MMP26: variants seen among roughly 807,000 people sequenced by gnomAD.
MMP26 encodes the protein matrix metallopeptidase 26, also known as matrix metalloproteinase-26.
Under a neutral mutation model 31.0 loss-of-function variants are expected in MMP26, and 33 were observed. The ratio of observed to expected loss-of-function variants is 1.06; its 90% CI spans 0.81 to 1.42. MMP26 has a LOEUF of 1.42. Ranked by LOEUF, MMP26 falls within the 40% of genes most tolerant of loss-of-function variation. MMP26 has a pLI of 0.00. For synonymous variants in MMP26, 122 were observed against 114.9 expected (o/e 1.06, Z -0.40); for missense variants, 347 against 316.1 (o/e 1.10, Z -0.74).
At chr11:4,929,384 A>G (rs887329390) in intron 2 of MMP26, among the ~76,000 whole-genome samples, 4 of 152,132 alleles carry the variant, frequency 2.6e-5, no homozygotes, top group African/African-American at 9.6e-5. Flanking sequence ...CTTGTACAAA[A>G]TGTTTGTCAG....
At chr11:4,936,929 C>G (rs1264131570) in intron 2 of MMP26, among the ~76,000 whole-genome samples, 1 of 152,116 alleles carries the variant, frequency 6.6e-6, no homozygotes, top group East Asian at 1.9e-4. Context: ...GCAAGGTGAC[C>G]TCGAATTAGA....
At chr11:4,979,347 A>G (rs1846782119) in intron 2 of MMP26, among the ~76,000 whole-genome samples, 1 of 152,178 alleles carries the variant, frequency 6.6e-6, no homozygotes, top group Non-Finnish European at 1.5e-5. Flanking sequence ...TATACACATT[A>G]TACTGATTTC....
At chr11:4,947,516 T>C (rs112856228) in intron 2 of MMP26, 1 of 139,844 alleles carries the variant, frequency 7.2e-6, no homozygotes, top group Admixed American at 7.9e-5. Context: ...AAATGAAAGC[T>C]AAATAAATGA....
At chr11:4,899,173 C>A (rs1850765313) in intron 2 of MMP26, among the ~76,000 whole-genome samples, 2 of 152,154 alleles carry the variant, frequency 1.3e-5, no homozygotes, top group South Asian at 4.1e-4. Flanking sequence ...GCCCCAAATT[C>A]AGGAATCTGG....
At chr11:4,802,933 G>C (rs1167985849) in intron 2 of MMP26, among the ~76,000 whole-genome samples, 1 of 151,986 alleles carries the variant, frequency 6.6e-6, no homozygotes, top group Non-Finnish European at 1.5e-5. Flanking sequence ...GACAATATTT[G>C]AATCATTTTA....
At chr11:4,838,596 T>G (rs1311946943) in intron 2 of MMP26, among the ~76,000 whole-genome samples, 1 of 149,514 alleles carries the variant, frequency 6.7e-6, no homozygotes, top group Non-Finnish European at 1.5e-5. Context: ...TAAATTACCT[T>G]GATCCACACC....
intron 2 of MMP26, among the ~76,000 whole-genome samples, chr11:4,799,633 C>G (rs1294327548): frequency 6.6e-6 from 1 of 152,094 alleles, no homozygotes; most frequent in Non-Finnish European, 1.5e-5. Context: ...CCAATAGTCC[C>G]CCAAAGTCTT....
At chr11:4,761,586 G>A (rs1848569554) in intron 1 of MMP26, among the ~76,000 whole-genome samples, 1 of 152,090 alleles carries the variant, frequency 6.6e-6, no homozygotes, top group South Asian at 2.1e-4. Context: ...TCACATCAGG[G>A]AAAATAAACG....
At chr11:4,744,990 A>G (rs563366259) in intron 1 of MMP26, among the ~76,000 whole-genome samples, 5 of 152,318 alleles carry the variant, frequency 3.3e-5, no homozygotes, top group Admixed American at 6.5e-5. Flanking sequence ...TCCATGCTAT[A>G]CATCAGATCT....
intron 2 of MMP26, among the ~76,000 whole-genome samples, chr11:4,984,195 G>T (rs960136496): frequency 1.1e-4 from 16 of 152,072 alleles, no homozygotes; most frequent in African/African-American, 3.9e-4. Flanking sequence ...GGCAATCCAG[G>T]CCAGTGATCA....
intron 2 of MMP26, among the ~76,000 whole-genome samples, chr11:4,903,152 A>G (rs1262679901): frequency 6.6e-6 from 1 of 152,088 alleles, no homozygotes; most frequent in Non-Finnish European, 1.5e-5. Flanking sequence ...GAACTGACAT[A>G]TAAAATAGAA....
chr11:4,844,545 A>G (rs963615312), intron 2 of MMP26, among the ~76,000 whole-genome samples: 4 of 152,212 alleles, frequency 2.6e-5, no homozygotes, highest in East Asian at 3.8e-4. Flanking sequence ...TCAAAAAAAC[A>G]TTAGAAAGAT....
intron 1 of MMP26, among the ~76,000 whole-genome samples, chr11:4,758,836 G>A (rs1564902685): frequency 6.6e-6 from 1 of 151,968 alleles, no homozygotes; most frequent in Non-Finnish European, 1.5e-5. Context: ...AATTGGCTGG[G>A]CATGATGGCT....
intron 2 of MMP26, among the ~76,000 whole-genome samples, chr11:4,927,008 G>C (rs1851282558): frequency 6.6e-6 from 1 of 152,146 alleles, no homozygotes. Flanking sequence ...TAGTGGATCA[G>C]AGAAGTATCA....
chr11:4,897,141 T>G, intron 2 of MMP26, among the ~76,000 whole-genome samples: 1 of 151,604 alleles, frequency 6.6e-6, no homozygotes. Context: ...CACACGCTGA[T>G]TTTTTGTTTA....
chr11:4,929,431 C>G (rs1427468419), intron 2 of MMP26, among the ~76,000 whole-genome samples: 1 of 151,718 alleles, frequency 6.6e-6, no homozygotes, highest in Non-Finnish European at 1.5e-5. Flanking sequence ...TTGATATAAT[C>G]AATCACATGA....
At chr11:4,923,162 A>T (rs770332952) in intron 2 of MMP26, among the ~76,000 whole-genome samples, 2 of 152,208 alleles carry the variant, frequency 1.3e-5, no homozygotes, top group Non-Finnish European at 2.9e-5. Context: ...ATGAGGAAGG[A>T]AGGTATTATA....
chr11:4,749,446 T>TA (rs1373307504), intron 1 of MMP26, among the ~76,000 whole-genome samples: 2 of 151,272 alleles, frequency 1.3e-5, no homozygotes, highest in Non-Finnish European at 3.0e-5. Context: ...AAAATTCTTA[T>TA]AAAAAAGGAG....
At position 4,992,225 on chromosome 11, in the gene MMP26, T is replaced by C; in HGVS notation, c.769T>C (p.Ser257Pro). ...TTCTGTTTCCATAGGAGAAAAATGT[T>C]CATCTGACATACCTTAATGTTAGCA... The part of the protein sequence containing the change: ...RIQHLYGEKC[S>P]SDIP Residue 257 changes from serine (S) to proline (P), a missense_variant, in exon 8 of 8, where the codon TCA becomes CCA. Transcript: ENST00000380390. 1 of 1,611,770 alleles carries C rather than the reference T, an allele frequency of 6.2e-7. No individual in the cohort carries two copies. The highest frequency in any genetic ancestry group is 1.1e-5 in the South Asian group (1 of 90,716).
Sources: allele counts gnomAD v4.1 joint callset (sites outside exome capture counted in the v4.1 genomes callset), GRCh38; gene constraint gnomAD v4.1.1; transcripts MANE v1.5; gene names NCBI Gene and HGNC (gene_info 2026-07-23, HGNC 2026-07-21).